Variants in GNAL observed in about 807,000 individuals in gnomAD.
GNAL encodes the protein G protein subunit alpha L, also known as guanine nucleotide-binding protein G(olf) subunit alpha.
Under a neutral mutation model 55.1 loss-of-function variants are expected in GNAL, and 18 were observed. The observed-to-expected ratio is 0.33, with a 90% CI of 0.23 to 0.48. GNAL has a LOEUF of 0.48. GNAL is among the 20% of genes least tolerant of loss of function. The pLI is 0.99. For missense variants in GNAL, 412 were observed against 614.1 expected (o/e 0.67, Z 3.48); for synonymous variants, 253 against 237.0 (o/e 1.07, Z -0.62).
At chr18:11,759,762 C>T (rs1446074186) in intron 4 of GNAL, among the ~76,000 whole-genome samples, 1 of 152,246 alleles carries the variant, frequency 6.6e-6, no homozygotes, top group African/African-American at 2.4e-5. Flanking sequence ...CCGTGTGCTG[C>T]CGCCTCTCCT....
intron 5 of GNAL, chr18:11,851,633 A>G: frequency 6.2e-7 from 1 of 1,614,044 alleles, no homozygotes; most frequent in Non-Finnish European, 8.5e-7. Context: ...AAGGCCATTC[A>G]GAAGGGCAAC....
chr18:11,736,648 T>G (rs16973028), intron 1 of GNAL, among the ~76,000 whole-genome samples: 12,206 of 152,214 alleles, frequency 0.08, 899 homozygotes, highest in African/African-American at 0.2. Context: ...AGAACAACCT[T>G]CACAATCATT....
chr18:11,861,131 C>A (rs2036124198), intron 5 of GNAL, among the ~76,000 whole-genome samples: 3 of 152,196 alleles, frequency 2.0e-5, no homozygotes, highest in Non-Finnish European at 2.9e-5. Flanking sequence ...CAGAACCAGC[C>A]AACTGGCATG....
chr18:11,869,680 A>T (rs2036349691), intron 9 of GNAL, among the ~76,000 whole-genome samples: 1 of 152,186 alleles, frequency 6.6e-6, no homozygotes, highest in Admixed American at 6.6e-5. Context: ...TGGGAGGCTG[A>T]GACGGGGGAA....
chr18:11,823,543 T>A (rs1245924917), intron 4 of GNAL, among the ~76,000 whole-genome samples: 1 of 152,234 alleles, frequency 6.6e-6, no homozygotes, highest in Non-Finnish European at 1.5e-5. Flanking sequence ...GTATTCATCA[T>A]TTAGCCTCTG....
chr18:11,713,812 A>T (rs1205040678), intron 1 of GNAL, among the ~76,000 whole-genome samples: 4 of 152,206 alleles, frequency 2.6e-5, no homozygotes, highest in Admixed American at 6.5e-5. Context: ...CATAAAATGA[A>T]GATGGGAATG....
At chr18:11,701,484 G>T (rs1042481154) in intron 1 of GNAL, among the ~76,000 whole-genome samples, 15 of 149,344 alleles carry the variant, frequency 1.0e-4, no homozygotes, top group Non-Finnish European at 2.2e-4. Context: ...CCAGCTACTC[G>T]GGAGGCTGAG....
chr18:11,689,653 G>A lies in GNAL; in HGVS notation c.90G>A (p.Ala30=). 4 of 1,395,682 alleles carry A rather than the reference G, an allele frequency of 2.9e-6. No homozygotes were observed. The highest frequency in any genetic ancestry group is 1.6e-5 in the South Asian group (1 of 63,674). The allele number at this position is 1,395,682 out of a possible 1,614,324, so 86.5% of individuals were successfully genotyped here. Residue 30 remains alanine (A), a synonymous_variant, in exon 1 of 12, where the codon GCG becomes GCA. Transcript: ENST00000334049. ...CCTCGGAGCCGCCGGTGGAGGACGC[G>A]CAGCCCGCCCCGGCCCCGGCCCTGG... ...CAASEPPVED[A]QPAPAPALAP...
Position 11,732,186 on chromosome 18 carries a change from A to G in GNAL, c.377-20667A>G, listed in dbSNP as rs9962642. ...AAATATATGCTTATTTCTCTTGGGT[A>G]TTACCAAGAATTGGAATTGCTGGGT... On this transcript the variant is annotated intron_variant, in intron 1 of 11. Transcript: ENST00000334049. Among the ~76,000 whole-genome samples the G allele has an allele frequency of 1.4e-3, 212 of 152,332 alleles. 1 individual carries two copies. The highest frequency in any genetic ancestry group is 5.0e-3 in the African/African-American group (206 of 41,572).
At chr18:11,851,394 T>C (rs2035859760) in intron 5 of GNAL, 3 of 1,298,214 alleles carry the variant, frequency 2.3e-6, no homozygotes, top group Non-Finnish European at 3.1e-6. Flanking sequence ...CCGCTCACAG[T>C]AGAAACAGGA....
rs142321607 is a variant in GNAL, at chr18:11,715,768, T to C, written c.376+25829T>C. Among the ~76,000 whole-genome samples the C allele has an allele frequency of 2.6e-5, 4 of 152,134 alleles. No individual in the cohort carries two copies. In the East Asian group the frequency reaches 7.8e-4, roughly 29 times the overall value. On this transcript the variant is annotated intron_variant, in intron 1 of 11. Coordinates refer to ENST00000334049, the MANE Select transcript of GNAL (RefSeq NM_182978.4). ...CCTTGGGTTTTACTTTGGCTATTTA[T>C]AATAATCCAAGCAGCCAGTAGAAGC...
Position 11,692,526 on chromosome 18 carries a change from G to A in GNAL, c.376+2587G>A, listed in dbSNP as rs140556299. Among the ~76,000 whole-genome samples, 655 of 152,178 alleles carry A rather than the reference G, an allele frequency of 4.3e-3. 3 individuals are homozygous for A. Among genetic ancestry groups the A allele is most frequent in the African/African-American group, 0.015 (607 of 41,514 alleles). On this transcript the variant is annotated intron_variant, in intron 1 of 11. Coordinates refer to ENST00000334049, the MANE Select transcript of GNAL (RefSeq NM_182978.4). ...GTGTAACTTTAGAATTTCATACCTC[G>A]TTAAACCATTGTTGGTGTGTGAGGG...
At position 11,788,914 on chromosome 18, in the gene GNAL, A is replaced by AAAAAAAAATAT. The variant is rs60071996; in HGVS notation, c.624+34970_624+34971insAAAAAAATATA. ...TCCGTCTCGAAAAAAAAAAAAAAAA[A>AAAAAAAAATAT]ATATATATATATATATATATATACA... On this transcript the variant is annotated intron_variant, in intron 4 of 11. Transcript: ENST00000334049. Among the ~76,000 whole-genome samples, 167 of 56,280 alleles carry AAAAAAAAATAT rather than the reference A, an allele frequency of 3.0e-3. 1 individual carries two copies. Among genetic ancestry groups the AAAAAAAAATAT allele is most frequent in the African/African-American group, 8.1e-3 (81 of 10,010 alleles). The allele number at this position is 56,280 out of a possible 152,430, so 36.9% of individuals were successfully genotyped here. A position where few individuals can be genotyped will look rare whatever the true frequency, so the allele number is the denominator to read the frequency against.
At chr18:11,742,611 A>T (rs1299009476) in intron 1 of GNAL, among the ~76,000 whole-genome samples, 1 of 152,208 alleles carries the variant, frequency 6.6e-6, no homozygotes, top group Non-Finnish European at 1.5e-5. Context: ...GACCTCTGAG[A>T]CTGAGTTTCA....
intron 4 of GNAL, among the ~76,000 whole-genome samples, chr18:11,758,192 C>T (rs1224176287): frequency 6.6e-6 from 1 of 152,176 alleles, no homozygotes; most frequent in Non-Finnish European, 1.5e-5. Context: ...CAACTCCCCA[C>T]TTGAGAAGGC....
At chr18:11,703,267 C>T (rs144352675) in intron 1 of GNAL, among the ~76,000 whole-genome samples, 170 of 152,336 alleles carry the variant, frequency 1.1e-3, no homozygotes, top group Non-Finnish European at 2.0e-3. Context: ...ACGCTCCGCA[C>T]GTTGTGCATA....
intron 4 of GNAL, among the ~76,000 whole-genome samples, chr18:11,764,642 C>T (rs1387957171): frequency 1.3e-5 from 2 of 152,124 alleles, no homozygotes; most frequent in Admixed American, 6.5e-5. Flanking sequence ...AACCCTGTCT[C>T]TACAAAAAAT....
intron 5 of GNAL, chr18:11,851,619 T>TA: frequency 6.2e-7 from 1 of 1,613,544 alleles, no homozygotes; most frequent in Non-Finnish European, 8.5e-7. Flanking sequence ...AGGCCAAAAT[T>TA]AAAAAGGCCA....
chr18:11,852,752 C>T (rs1054818893), intron 5 of GNAL: 2 of 166,590 alleles, frequency 1.2e-5, no homozygotes, highest in Admixed American at 6.6e-5. Context: ...TGCTTACATT[C>T]TATAAATTTT....
Sources: allele counts gnomAD v4.1 joint callset (sites outside exome capture counted in the v4.1 genomes callset), GRCh38; gene constraint gnomAD v4.1.1; transcripts MANE v1.5; gene names NCBI Gene and HGNC (gene_info 2026-07-23, HGNC 2026-07-21).